Variants in DHX8 observed in about 807,000 individuals in gnomAD.
The protein encoded by DHX8 is ATP-dependent RNA helicase DHX8.
A neutral mutation model predicts 140.7 loss-of-function variants in DHX8; 67 were observed. The observed-to-expected ratio is 0.48, with a 90% CI of 0.39 to 0.58. DHX8 has a LOEUF of 0.58. Among genes scored for constraint, DHX8 ranks in the 20% least tolerant of loss-of-function variants. The pLI is 0.00. For missense variants in DHX8, 887 were observed against 1,550.7 expected (o/e 0.57, Z 7.19); for synonymous variants, 533 against 553.2 (o/e 0.96, Z 0.51).
rs747079925 is a variant in DHX8, at chr17:43,517,204, C to T, written c.2681C>T (p.Thr894Ile). 2 of 1,613,840 alleles carry T rather than the reference C, an allele frequency of 1.2e-6. No individual in the cohort carries two copies. Among genetic ancestry groups the T allele is most frequent in the Admixed American group, 1.7e-5 (1 of 59,964 alleles). The change falls in exon 18 of 23, where the codon ACA becomes ATA. Residue 894 changes from threonine to isoleucine, a missense_variant. Physicochemically the swap from Thr to Ile is moderately conservative, Grantham distance 89. Transcript: ENST00000262415. ...AKQRAGRAGR[T>I]GPGKCYRLYT... ...CAACGAGCTGGCAGAGCTGGGAGAACAGGCCCAGGGAAGTGTTACAGGTTG... is the reference window on the plus strand; with the variant it reads ...CAACGAGCTGGCAGAGCTGGGAGAATAGGCCCAGGGAAGTGTTACAGGTTG...
At chr17:43,507,331 A>G in intron 13 of DHX8, 134 bp downstream of exon 13, 1 of 1,138,230 alleles carries the variant, frequency 8.8e-7, no homozygotes, top group South Asian at 1.6e-5. Flanking sequence ...CCATTGTCAT[A>G]ATCAGTCTGT....
At chr17:43,527,677 C>T (rs1970658251), downstream of DHX8, among the ~76,000 whole-genome samples, 1 of 152,204 alleles carries the variant, frequency 6.6e-6, no homozygotes, top group South Asian at 2.1e-4. Flanking sequence ...ATCATTAAGC[C>T]CATTTTTCAG....
downstream of DHX8, chr17:43,530,276 C>T: frequency 6.5e-7 from 1 of 1,526,754 alleles, no homozygotes; most frequent in Non-Finnish European, 8.8e-7. Context: ...GAATTTCTTC[C>T]TTCCAGCCTG....
At chr17:43,536,489 G>A (rs974928345) in exon 3 of DHX8, 7 of 1,614,196 alleles carry the variant, frequency 4.3e-6, no homozygotes, top group African/African-American at 1.3e-5. Flanking sequence ...GCTGCAGAGA[G>A]AAGTCAGAGG....
rs1970573942 is a variant in DHX8, at chr17:43,525,275, T to C, written c.*1428T>C. ...TTAGTAAGTTCTGAAGTGATGTAAA[T>C]GCTAGAACTACTGTAGAACTGTATG... On this transcript the variant is annotated 3_prime_UTR_variant, in exon 23 of 23. Transcript: ENST00000262415. 1.0e-6 allele frequency: 1 copy of C among 985,326 alleles called. No homozygotes were observed. Among genetic ancestry groups the C allele is most frequent in the Non-Finnish European group, 1.2e-6 (1 of 829,952 alleles). 61.0% of individuals were successfully genotyped at this position (985,326 alleles called of 1,614,324 possible). A position where few individuals can be genotyped will look rare whatever the true frequency, so the allele number is the denominator to read the frequency against.
intron 3 of DHX8, among the ~76,000 whole-genome samples, 188 bp downstream of exon 3, chr17:43,490,651 T>C (rs1338675049): frequency 2.0e-5 from 3 of 152,052 alleles, no homozygotes; most frequent in Non-Finnish European, 4.4e-5. Flanking sequence ...GGTGGGAGTA[T>C]CACTTGAGCC....
At chr17:43,508,777 G>A (rs978495277) in intron 16 of DHX8, among the ~76,000 whole-genome samples, 9 of 151,892 alleles carry the variant, frequency 5.9e-5, no homozygotes, top group Admixed American at 4.6e-4. Flanking sequence ...CTGCCACCAC[G>A]CCTGGCTAAT....
At chr17:43,507,394 G>T in intron 13 of DHX8, 109 bp from the exon 14 acceptor site, 1 of 1,171,370 alleles carries the variant, frequency 8.5e-7, no homozygotes, top group Non-Finnish European at 1.2e-6. Flanking sequence ...TGTACATCTT[G>T]ATCAGATTCT....
At chr17:43,515,713 G>A (rs183818915) in intron 17 of DHX8, among the ~76,000 whole-genome samples, 3 of 152,108 alleles carry the variant, frequency 2.0e-5, no homozygotes, top group African/African-American at 7.2e-5. Flanking sequence ...TCAGGGTGGC[G>A]GTGATCAAAA....
chr17:43,520,762 C>T lies in DHX8; in HGVS notation c.2949C>T (p.Phe983=). 2 of 1,614,034 alleles carry T rather than the reference C, an allele frequency of 1.2e-6. No individual in the cohort carries two copies. Among genetic ancestry groups the T allele is most frequent in the Non-Finnish European group, 1.7e-6 (2 of 1,180,004 alleles). Reference sequence around the variant, plus strand: ...TTTTGTCCCTCTAGATGGCAGAGTTCCCTCTGGAGCCAATGCTATGCAAAA... The same window carrying T: ...TTTTGTCCCTCTAGATGGCAGAGTTTCCTCTGGAGCCAATGCTATGCAAAA... ...LTRLGRRMAE[F]PLEPMLCKML... Residue 983 remains phenylalanine, a synonymous_variant, in exon 20 of 23, where the codon TTC becomes TTT. Coordinates refer to ENST00000262415, the MANE Select transcript of DHX8 (RefSeq NM_004941.3).
intron 9 of DHX8, among the ~76,000 whole-genome samples, chr17:43,497,853 T>C (rs988051158): frequency 6.6e-6 from 1 of 152,244 alleles, no homozygotes; most frequent in Non-Finnish European, 1.5e-5. Flanking sequence ...TTTATACTTC[T>C]GCCATAAGTG....
At chr17:43,487,791 A>G (rs1968255472) in intron 1 of DHX8, among the ~76,000 whole-genome samples, 1 of 152,088 alleles carries the variant, frequency 6.6e-6, no homozygotes, top group Admixed American at 6.5e-5. Flanking sequence ...AGCCTGGCCA[A>G]TGTGGCAAAA....
rs1969526019 is a variant in DHX8, at chr17:43,506,906, A to G, written c.1729-97A>G. On this transcript the variant is annotated intron_variant, in intron 12 of 22. Transcript: ENST00000262415. The stretch of plus-strand genomic sequence containing the variant: ...TATAGTAATTATTTTATTCCAGAGT[A>G]ATGTAGATTTTAATGACCATATTTA... The G allele has an allele frequency of 1.2e-5, 10 of 868,984 alleles. No homozygotes were observed. In the East Asian group the frequency reaches 2.8e-4, roughly 24 times the overall value. 53.8% of individuals were successfully genotyped at this position (868,984 alleles called of 1,614,324 possible).
At chr17:43,533,792 G>T in intron 2 of DHX8, 2 of 1,573,694 alleles carry the variant, frequency 1.3e-6, no homozygotes, top group African/African-American at 1.4e-5. Flanking sequence ...TCTGCTCATG[G>T]GTGCCCCCTG....
intron 18 of DHX8, chr17:43,517,732 A>G (rs1236480889): frequency 6.4e-6 from 1 of 156,642 alleles, no homozygotes; most frequent in African/African-American, 2.4e-5. Flanking sequence ...GGGAACTGTC[A>G]GTACAGATTT....
intron 3 of DHX8, among the ~76,000 whole-genome samples, chr17:43,543,340 A>G (rs1185920300): frequency 6.6e-6 from 1 of 151,636 alleles, no homozygotes; most frequent in Non-Finnish European, 1.5e-5. Flanking sequence ...ACAGACAGAC[A>G]TTTGTACCCT....
At chr17:43,532,319 C>A (rs551033401) in intron 2 of DHX8, among the ~76,000 whole-genome samples, 1 of 152,028 alleles carries the variant, frequency 6.6e-6, no homozygotes, top group Non-Finnish European at 1.5e-5. Flanking sequence ...GCCAGCATGG[C>A]GAAACCCCAT....
At chr17:43,517,137 T>TA (rs774430102) in intron 17 of DHX8, 30 bp from the exon 18 acceptor site, 3 of 1,599,252 alleles carry the variant, frequency 1.9e-6, no homozygotes, top group Non-Finnish European at 2.6e-6. Flanking sequence ...GTTTAACAGA[T>TA]ATGTTGCTTT....
intron 9 of DHX8, among the ~76,000 whole-genome samples, chr17:43,498,156 T>A (rs970496798): frequency 6.6e-5 from 10 of 151,672 alleles, no homozygotes; most frequent in African/African-American, 1.2e-4. Flanking sequence ...TTTTTTTTTT[T>A]AATTTGAGAC....
Sources: allele counts gnomAD v4.1 joint callset (sites outside exome capture counted in the v4.1 genomes callset), GRCh38; gene constraint gnomAD v4.1.1; transcripts MANE v1.5; gene names NCBI Gene and HGNC (gene_info 2026-07-23, HGNC 2026-07-21).